The following ACAT1 variants were observed in gnomAD, a reference collection of about 807,000 sequenced individuals.
ACAT1 encodes acetyl-CoA acetyltransferase, mitochondrial.
In ACAT1, 28 loss-of-function variants were observed where a neutral mutation model predicts 47.3. That is an observed-to-expected ratio of 0.59 (90% CI 0.44 to 0.81). The LOEUF (loss-of-function observed/expected upper bound fraction) is 0.81, where lower values mean the gene tolerates loss of function less well. Among genes scored for constraint, ACAT1 ranks in the 30% least tolerant of loss-of-function variants. The pLI is 0.00. For synonymous variants in ACAT1, 181 were observed against 173.6 expected (o/e 1.04, Z -0.34); for missense variants, 469 against 524.3 (o/e 0.89, Z 1.03).
intron 5 of ACAT1, 75 bp from the exon 6 acceptor site, chr11:108,138,823 G>T: frequency 6.6e-7 from 1 of 1,514,146 alleles, no homozygotes; most frequent in Non-Finnish European, 9.2e-7. Context: ...TTGTTTGGTG[G>T]TAGCTGTATA....
rs1234265983 is a variant in ACAT1, at chr11:108,134,943, T to C, written c.335-199T>C. On this transcript the variant is annotated intron_variant, in intron 4 of 11. Coordinates refer to ENST00000265838, the MANE Select transcript of ACAT1 (RefSeq NM_000019.4). ...TTGGGGGACAGAGTGAGACTCCGTCTCAAAAAAAAAAAAAAAAAAAAAAAA... is the reference window on the plus strand; with the variant it reads ...TTGGGGGACAGAGTGAGACTCCGTCCCAAAAAAAAAAAAAAAAAAAAAAAA... Among the ~76,000 whole-genome samples the C allele has an allele frequency of 2.7e-4, 8 of 29,154 alleles. No individual in the cohort carries two copies. The Admixed American group carries it at 3.9e-3, about 14-fold the overall frequency. The allele number at this position is 29,154 out of a possible 152,430, so 19.1% of individuals were successfully genotyped here. A position where few individuals can be genotyped will look rare whatever the true frequency, so the allele number is the denominator to read the frequency against.
intron 5 of ACAT1, chr11:108,136,432 C>T (rs1360564900): frequency 1.3e-5 from 3 of 225,248 alleles, no homozygotes; most frequent in African/African-American, 4.5e-5. Flanking sequence ...TCTGGATCTG[C>T]ACCACCACTG....
At chr11:108,145,497 C>T (rs1458316855) in intron 10 of ACAT1, among the ~76,000 whole-genome samples, 1 of 151,472 alleles carries the variant, frequency 6.6e-6, no homozygotes, top group African/African-American at 2.4e-5. Flanking sequence ...TGTGCCATTC[C>T]ACTTCAGCCT....
At chr11:108,145,222 T>C (rs984724348) in intron 10 of ACAT1, among the ~76,000 whole-genome samples, 4 of 152,314 alleles carry the variant, frequency 2.6e-5, no homozygotes, top group South Asian at 2.1e-4. Context: ...ACAGATCATA[T>C]AGTGTAAGAT....
chr11:108,141,490 T>G lies in ACAT1; in HGVS notation c.731-115T>G. On this transcript the variant is annotated intron_variant, in intron 7 of 11. Transcript: ENST00000265838. ...TAGATGAGTGTTTACTTGGGATGGTTTAAGTGAAGCAGGGATACAAAGGGA... is the reference window on the plus strand; with the variant it reads ...TAGATGAGTGTTTACTTGGGATGGTGTAAGTGAAGCAGGGATACAAAGGGA... 9.5e-6 allele frequency: 7 copies of G among 734,128 alleles called. No individual in the cohort carries two copies. In the South Asian group the frequency reaches 1.1e-4, roughly 11 times the overall value. The allele number at this position is 734,128 out of a possible 1,614,324, so 45.5% of individuals were successfully genotyped here.
Position 108,138,900 on chromosome 11 carries a change from T to C in ACAT1, c.438T>C (p.Asp146=), listed in dbSNP as rs1447450319. Residue 146 remains aspartate (D), a splice_region_variant and synonymous_variant, in exon 6 of 12, where the codon GAT becomes GAC. Coordinates refer to ENST00000265838, the MANE Select transcript of ACAT1 (RefSeq NM_000019.4). ...GTTTTTCTGGTGTTTCTGCGCAGGA[T>C]GTGATGGTGGCAGGTGGGATGGAGA... is the stretch of plus-strand genomic sequence containing the variant. ...ASQSLMCGHQ[D]VMVAGGMESM... is the part of the protein sequence containing the mutation. 6 of 1,614,148 alleles carry C rather than the reference T, an allele frequency of 3.7e-6. No homozygotes were observed. The highest frequency in any genetic ancestry group is 1.7e-5 in the Admixed American group (1 of 60,012).
intron 2 of ACAT1, among the ~76,000 whole-genome samples, chr11:108,132,310 C>T (rs2077376777): frequency 6.6e-6 from 1 of 152,118 alleles, no homozygotes; most frequent in African/African-American, 2.4e-5. Context: ...GGGAATTAGA[C>T]AAGGAGGGCC....
At chr11:108,135,848 A>T (rs1212133317) in intron 5 of ACAT1, among the ~76,000 whole-genome samples, 1 of 152,098 alleles carries the variant, frequency 6.6e-6, no homozygotes, top group East Asian at 1.9e-4. Flanking sequence ...GTTTTTAGTC[A>T]AGGCATTTGG....
In ACAT1 at chr11:108,139,009, G is replaced by A. The variant is rs120074141; in HGVS notation, c.547G>A (p.Gly183Arg). 1.1e-5 allele frequency: 18 copies of A among 1,613,948 alleles called. No homozygotes were observed. The highest frequency in any genetic ancestry group is 4.5e-5 in the East Asian group (2 of 44,896). ...VKLEDLIVKD[G>R]LTDVYNKIHM... The stretch of plus-strand genomic sequence containing the variant: ...GCTTGAAGATTTGATTGTAAAAGAC[G>A]GGCTAACTGATGTCTACAATAAAAT... The change falls in exon 6 of 12, where the codon GGG becomes AGG. Residue 183 changes from glycine (G) to arginine (R), a missense_variant. By Grantham distance (125) the Gly-to-Arg change is moderately radical. Transcript: ENST00000265838.
chr11:108,136,614 G>C (rs921500885), intron 5 of ACAT1: 2 of 152,188 alleles, frequency 1.3e-5, no homozygotes, highest in Admixed American at 6.6e-5. Context: ...TTCATTTGTG[G>C]ATATATACAG....
intron 1 of ACAT1, among the ~76,000 whole-genome samples, chr11:108,123,998 C>T (rs1407377723): frequency 6.6e-6 from 1 of 152,196 alleles, no homozygotes; most frequent in African/African-American, 2.4e-5. Context: ...CTTCCCTCCC[C>T]TAGTCTGTCT....
chr11:108,142,016 G>A (rs1003966374), intron 8 of ACAT1, among the ~76,000 whole-genome samples: 1 of 152,098 alleles, frequency 6.6e-6, no homozygotes, highest in African/African-American at 2.4e-5. Flanking sequence ...TCTATTTAAA[G>A]TGGTTTGGTA....
rs866364527 is a variant in ACAT1, at chr11:108,134,229, AAAG to A, written c.254_256del (p.Glu85del). The stretch of plus-strand genomic sequence containing the variant: ...TTTTTTTTTTAATAAAGGGATTCCA[AAAG>A]AAGAAGTGAAAGAAGCATACATGGG... On this transcript the variant is annotated inframe_deletion, in exon 4 of 12. Transcript: ENST00000265838. 10 of 1,612,542 alleles carry A rather than the reference AAAG, an allele frequency of 6.2e-6. No individual in the cohort carries two copies. Among genetic ancestry groups the A allele is most frequent in the African/African-American group, 5.3e-5 (4 of 74,928 alleles).
At chr11:108,125,200 C>T (rs1381316816) in intron 1 of ACAT1, among the ~76,000 whole-genome samples, 1 of 152,178 alleles carries the variant, frequency 6.6e-6, no homozygotes, top group Non-Finnish European at 1.5e-5. Flanking sequence ...AGAATGTGCA[C>T]GGGCGTTGTG....
At chr11:108,122,369 A>G (rs976494820) in intron 1 of ACAT1, among the ~76,000 whole-genome samples, 4 of 152,252 alleles carry the variant, frequency 2.6e-5, no homozygotes, top group African/African-American at 9.6e-5. Flanking sequence ...AGTACGCACC[A>G]CAGATTGTCA....
chr11:108,129,832 G>C (rs2077323425), intron 1 of ACAT1, among the ~76,000 whole-genome samples: 1 of 152,162 alleles, frequency 6.6e-6, no homozygotes, highest in Non-Finnish European at 1.5e-5. Context: ...ATAAAGTGCA[G>C]CTGGCTGGGT....
upstream of ACAT1, among the ~76,000 whole-genome samples, chr11:108,120,509 C>G (rs766146028): frequency 2.6e-5 from 4 of 151,208 alleles, no homozygotes; most frequent in Non-Finnish European, 5.9e-5. Context: ...CCACTGTACT[C>G]CAGACTGGGT....
intron 1 of ACAT1, chr11:108,129,180 C>G (rs59021565): frequency 0.07 from 10,619 of 152,264 alleles, 448 homozygotes; most frequent in Admixed American, 0.095. Flanking sequence ...GAATAATAGT[C>G]TCCAATTCCA....
At chr11:108,141,148 A>G (rs1294020156) in intron 7 of ACAT1, among the ~76,000 whole-genome samples, 1 of 151,992 alleles carries the variant, frequency 6.6e-6, no homozygotes, top group Non-Finnish European at 1.5e-5. Context: ...GGATCAATTG[A>G]GCCCAGGAGT....
Sources: allele counts gnomAD v4.1 joint callset (sites outside exome capture counted in the v4.1 genomes callset), GRCh38; gene constraint gnomAD v4.1.1; transcripts MANE v1.5; gene names NCBI Gene and HGNC (gene_info 2026-07-23, HGNC 2026-07-21).